RTN1: variants seen among roughly 807,000 people sequenced by gnomAD.
RTN1 encodes reticulon-1.
In RTN1, 25 loss-of-function variants were observed where a neutral mutation model predicts 65.5. The ratio of observed to expected loss-of-function variants is 0.38; its 90% CI spans 0.28 to 0.53. The LOEUF is 0.53. Ranked by LOEUF, RTN1 falls within the 20% of genes least tolerant of loss-of-function variation. RTN1 has a pLI of 0.79. For synonymous variants in RTN1, 471 were observed against 447.6 expected, an observed-to-expected ratio of 1.05 and a Z score of -0.66; for missense variants, 983 against 1,025.4, an observed-to-expected ratio of 0.96 and a Z score of 0.57.
intron 3 of RTN1, among the ~76,000 whole-genome samples, chr14:59,688,721 G>T (rs1883898345): frequency 6.6e-6 from 1 of 152,048 alleles, no homozygotes; most frequent in Non-Finnish European, 1.5e-5. Flanking sequence ...ATACTACCCA[G>T]CCTTCTCTGT....
chr14:59,679,113 T>C (rs1177345775), intron 3 of RTN1, among the ~76,000 whole-genome samples: 1 of 152,212 alleles, frequency 6.6e-6, no homozygotes, highest in Non-Finnish European at 1.5e-5. Context: ...GGTAGGAATC[T>C]ACTAGAAAAA....
At chr14:59,622,023 A>G (rs1882267134) in intron 3 of RTN1, among the ~76,000 whole-genome samples, 1 of 152,178 alleles carries the variant, frequency 6.6e-6, no homozygotes, top group Admixed American at 6.5e-5. Flanking sequence ...CTATGTGACA[A>G]ATTAATGCTA....
intron 1 of RTN1, among the ~76,000 whole-genome samples, chr14:59,866,258 T>A (rs1458314383): frequency 6.6e-6 from 1 of 152,154 alleles, no homozygotes; most frequent in Non-Finnish European, 1.5e-5. Flanking sequence ...GTCTACTAAG[T>A]TGAATTGAAC....
At chr14:59,636,265 G>T (rs1290999543) in intron 3 of RTN1, among the ~76,000 whole-genome samples, 15 of 152,108 alleles carry the variant, frequency 9.9e-5, no homozygotes, top group Non-Finnish European at 2.1e-4. Flanking sequence ...ATCCCTCATG[G>T]TTTAGCACCA....
At chr14:59,712,514 T>C (rs1012543302) in intron 3 of RTN1, among the ~76,000 whole-genome samples, 1 of 152,232 alleles carries the variant, frequency 6.6e-6, no homozygotes, top group African/African-American at 2.4e-5. Flanking sequence ...TCAATTCAAC[T>C]TCCGATAAAT....
chr14:59,625,884 T>A (rs1461368951), intron 3 of RTN1, among the ~76,000 whole-genome samples: 1 of 152,218 alleles, frequency 6.6e-6, no homozygotes, highest in African/African-American at 2.4e-5. Flanking sequence ...CTACATTTGG[T>A]ATATTATCTG....
chr14:59,821,169 T>C (rs996785860), intron 1 of RTN1, among the ~76,000 whole-genome samples: 8 of 152,362 alleles, frequency 5.3e-5, no homozygotes, highest in African/African-American at 1.9e-4. Flanking sequence ...CATTTGTTTA[T>C]GTCATCTCTG....
chr14:59,703,462 C>T (rs56681211), intron 3 of RTN1, among the ~76,000 whole-genome samples: 3,733 of 152,170 alleles, frequency 0.025, 146 homozygotes, highest in African/African-American at 0.083. Flanking sequence ...ACATGGCTGC[C>T]GTCCTTCATC....
At chr14:59,811,919 A>AT (rs1377458930) in intron 1 of RTN1, among the ~76,000 whole-genome samples, 3 of 152,206 alleles carry the variant, frequency 2.0e-5, no homozygotes, top group African/African-American at 7.2e-5. Flanking sequence ...TCCCAGACTA[A>AT]TTAAGTCAGA....
intron 3 of RTN1, chr14:59,630,523 G>A (rs1882519407): frequency 3.1e-6 from 5 of 1,613,098 alleles, no homozygotes; most frequent in Non-Finnish European, 4.2e-6. Context: ...GGCTTTGGGG[G>A]CTCGCCGTGG....
intron 1 of RTN1, among the ~76,000 whole-genome samples, chr14:59,805,279 T>C (rs1009581549): frequency 6.6e-6 from 1 of 152,204 alleles, no homozygotes; most frequent in Admixed American, 6.5e-5. Flanking sequence ...ATTATACTCT[T>C]CCATCCCCAC....
chr14:59,843,058 A>G (rs920323727), intron 1 of RTN1, among the ~76,000 whole-genome samples: 10 of 152,268 alleles, frequency 6.6e-5, no homozygotes, highest in Non-Finnish European at 1.2e-4. Flanking sequence ...TGTATTCACA[A>G]TAGCTTTAAA....
At chr14:59,851,256 TG>T (rs1253370199) in intron 1 of RTN1, among the ~76,000 whole-genome samples, 1 of 152,226 alleles carries the variant, frequency 6.6e-6, no homozygotes, top group Non-Finnish European at 1.5e-5. Context: ...ACAATCATTA[TG>T]TGTTAAATAA....
intron 8 of RTN1, among the ~76,000 whole-genome samples, chr14:59,598,872 G>C (rs577761758): frequency 2.0e-5 from 3 of 152,252 alleles, no homozygotes; most frequent in African/African-American, 4.8e-5. Flanking sequence ...CCCCAGCAAA[G>C]TTTGCTCTTC....
intron 1 of RTN1, among the ~76,000 whole-genome samples, chr14:59,759,560 C>T (rs1885706148): frequency 6.6e-6 from 1 of 152,146 alleles, no homozygotes; most frequent in Non-Finnish European, 1.5e-5. Context: ...ACTGTTGCTT[C>T]CAGGCTTTAG....
chr14:59,679,192 G>A (rs1339031270), intron 3 of RTN1, among the ~76,000 whole-genome samples: 18 of 152,124 alleles, frequency 1.2e-4, no homozygotes, highest in Non-Finnish European at 5.9e-5. Context: ...GGGTGGCTTG[G>A]GTATGAATTA....
chr14:59,860,781 C>A (rs1174246212), intron 1 of RTN1, among the ~76,000 whole-genome samples: 1 of 152,156 alleles, frequency 6.6e-6, no homozygotes, highest in African/African-American at 2.4e-5. Flanking sequence ...ATCAGTGAGA[C>A]ACGGAGTCAA....
chr14:59,642,664 T>C (rs752149185), intron 3 of RTN1, among the ~76,000 whole-genome samples: 3 of 152,210 alleles, frequency 2.0e-5, no homozygotes, highest in African/African-American at 7.2e-5. Flanking sequence ...TTTACTTTTT[T>C]AAATAGTTTC....
chr14:59,607,788 C>T (rs1343573674), intron 3 of RTN1, among the ~76,000 whole-genome samples: 1 of 151,808 alleles, frequency 6.6e-6, no homozygotes. Context: ...ACCATCCATA[C>T]AGTGGCCTGA....
Sources: allele counts gnomAD v4.1 joint callset (sites outside exome capture counted in the v4.1 genomes callset), GRCh38; gene constraint gnomAD v4.1.1; transcripts MANE v1.5; gene names NCBI Gene and HGNC (gene_info 2026-07-23, HGNC 2026-07-21).